Variants in TFCP2L1 observed in about 807,000 individuals in gnomAD.
The protein encoded by TFCP2L1 is transcription factor CP2 like 1, also known as transcription factor CP2-like protein 1.
In TFCP2L1, 12 loss-of-function variants were observed where a neutral mutation model predicts 72.2. The observed-to-expected ratio is 0.17, with a 90% confidence interval of 0.11 to 0.27. TFCP2L1 has a LOEUF of 0.27. TFCP2L1 is among the 10% of genes least tolerant of loss of function. The pLI, the probability that TFCP2L1 is intolerant of heterozygous loss-of-function variation, is 1.00. For missense variants in TFCP2L1, 488 were observed against 624.6 expected (o/e 0.78, Z 2.33); for synonymous variants, 260 against 251.0 (o/e 1.04, Z -0.34).
At chr2:121,249,527 A>G (rs368142890) in intron 3 of TFCP2L1, 44 bp downstream of exon 3, 44 of 1,599,554 alleles carry the variant, frequency 2.8e-5, no homozygotes, top group Non-Finnish European at 1.7e-6. Context: ...GACCCTAATC[A>G]AGCCCCTCTC....
chr2:121,265,735 C>T (rs1008011965), intron 2 of TFCP2L1, among the ~76,000 whole-genome samples: 8 of 152,122 alleles, frequency 5.3e-5, no homozygotes, highest in Admixed American at 2.0e-4. Context: ...CCGCCTGCCT[C>T]GGCCTCCCAA....
At chr2:121,247,073 C>T in intron 5 of TFCP2L1, 103 bp from the exon 6 acceptor site, 1 of 1,388,808 alleles carries the variant, frequency 7.2e-7, no homozygotes, top group Non-Finnish European at 9.8e-7. Context: ...CCTGCTTGGT[C>T]AGTGCAGGCC....
Position 121,239,010 on chromosome 2 carries a change from G to A in TFCP2L1, c.860+548C>T, listed in dbSNP as rs993149254. ...AGCCATCACGGTGACCCATGGCCCC[G>A]TGCTGTGCAGCCCACAACACTCAGG... On this transcript the variant is annotated intron_variant, in intron 8 of 14. Transcript: ENST00000263707. Among the ~76,000 whole-genome samples, 17 of 152,198 alleles carry A rather than the reference G, an allele frequency of 1.1e-4. 1 individual carries two copies. The highest frequency in any genetic ancestry group is 2.0e-4 in the Admixed American group (3 of 15,290).
intron 6 of TFCP2L1, among the ~76,000 whole-genome samples, chr2:121,243,674 G>A (rs1686424856): frequency 6.6e-6 from 1 of 151,898 alleles, no homozygotes; most frequent in South Asian, 2.1e-4. Context: ...AAGGGATCCA[G>A]GCTGCGTGCT....
At position 121,218,262 on chromosome 2, in the gene TFCP2L1, T is replaced by C. The variant is rs1685868886; in HGVS notation, c.*6079A>G. 2.0e-5 allele frequency: 3 copies of C among 152,370 alleles called. No homozygotes were observed. In the South Asian group the frequency reaches 6.2e-4, roughly 32 times the overall value. 9.4% of individuals were successfully genotyped at this position (152,370 alleles called of 1,614,324 possible). On this transcript the variant is annotated 3_prime_UTR_variant, in exon 15 of 15. Coordinates refer to ENST00000263707, the MANE Select transcript of TFCP2L1 (RefSeq NM_014553.3). The stretch of plus-strand genomic sequence containing the variant: ...AAATACAATAATTGAGTACATATTT[T>C]TGGTAAATACATGTCTACTAAAAAT...
At chr2:121,244,381 A>T (rs1205745494) in intron 6 of TFCP2L1, among the ~76,000 whole-genome samples, 1 of 152,238 alleles carries the variant, frequency 6.6e-6, no homozygotes, top group African/African-American at 2.4e-5. Flanking sequence ...GGCTCGGCTC[A>T]GCCTGGCTTC....
intron 2 of TFCP2L1, 23 bp from the exon 3 acceptor site, chr2:121,249,670 T>C (rs767902040): frequency 6.2e-7 from 1 of 1,612,584 alleles, no homozygotes; most frequent in South Asian, 1.1e-5. Context: ...TAAAAGGACA[T>C]TTTCCATTTC....
At chr2:121,278,598 A>G (rs935450240) in intron 2 of TFCP2L1, among the ~76,000 whole-genome samples, 6 of 151,340 alleles carry the variant, frequency 4.0e-5, no homozygotes, top group African/African-American at 1.5e-4. Flanking sequence ...AAGCAGGACA[A>G]TCGCTTGAAC....
At chr2:121,284,444 T>A (rs1470836559) in intron 1 of TFCP2L1, among the ~76,000 whole-genome samples, 1 of 152,146 alleles carries the variant, frequency 6.6e-6, no homozygotes, top group Non-Finnish European at 1.5e-5. Context: ...AGGGCACTAC[T>A]CAAATCCCTC....
chr2:121,226,579 G>C (rs1264932951), intron 13 of TFCP2L1, among the ~76,000 whole-genome samples: 1 of 152,026 alleles, frequency 6.6e-6, no homozygotes, highest in African/African-American at 2.4e-5. Flanking sequence ...ATAAAGGAGG[G>C]TTCCACTACC....
At position 121,282,829 on chromosome 2, in the gene TFCP2L1, C is replaced by G. The variant is rs528208886; in HGVS notation, c.63-1558G>C. ...TAAACAAGCGTCTCTACAACACAAA[C>G]CCGGCACACACCCCATCAACATCTC... On this transcript the variant is annotated intron_variant, in intron 1 of 14. Transcript: ENST00000263707. Among the ~76,000 whole-genome samples, 11 of 152,302 alleles carry G rather than the reference C, an allele frequency of 7.2e-5. 1 individual carries two copies. The East Asian group carries it at 2.1e-3, about 29-fold the overall frequency.
intron 2 of TFCP2L1, among the ~76,000 whole-genome samples, chr2:121,251,419 T>C (rs1287163484): frequency 6.6e-6 from 1 of 152,218 alleles, no homozygotes; most frequent in Admixed American, 6.5e-5. Flanking sequence ...GGCTTGTATG[T>C]GTATAATCTA....
At chr2:121,271,139 G>A (rs1033115979) in intron 2 of TFCP2L1, among the ~76,000 whole-genome samples, 4 of 145,646 alleles carry the variant, frequency 2.7e-5, no homozygotes, top group Non-Finnish European at 6.0e-5. Flanking sequence ...GCAGTGAGCC[G>A]AGATCGCACC....
chr2:121,285,012 G>A, intron 1 of TFCP2L1, 36 bp downstream of exon 1: 1 of 1,451,722 alleles, frequency 6.9e-7, no homozygotes, highest in Non-Finnish European at 9.1e-7. Context: ...CCGCCGGCCC[G>A]GCCCGAGACC....
chr2:121,258,128 T>C (rs1015603906), intron 2 of TFCP2L1, among the ~76,000 whole-genome samples: 2 of 152,136 alleles, frequency 1.3e-5, no homozygotes, highest in Admixed American at 1.3e-4. Flanking sequence ...TGTAAAGAAA[T>C]GCCAAATGAA....
chr2:121,269,918 A>AAAAAAAAAAAAAAATATATAT, intron 2 of TFCP2L1, among the ~76,000 whole-genome samples: 8 of 115,174 alleles, frequency 6.9e-5, no homozygotes, highest in East Asian at 3.8e-4. Context: ...AAAAAAAAAA[A>AAAAAAAAAAAAAAATATATAT]ATATATATAT....
At chr2:121,232,252 C>T (rs1364263276) in intron 12 of TFCP2L1, among the ~76,000 whole-genome samples, 1 of 152,158 alleles carries the variant, frequency 6.6e-6, no homozygotes, top group Non-Finnish European at 1.5e-5. Context: ...GATTCTCCTG[C>T]CTCAGCCTCC....
rs561063358 is a variant in TFCP2L1 at position 121,240,586 on chromosome 2, T to C, written c.769-937A>G. 3.0e-3 allele frequency: 3,004 copies of C among 985,414 alleles called. 9 individuals carry two copies. Among genetic ancestry groups the C allele is most frequent in the Non-Finnish European group, 3.5e-3 (2,884 of 829,924 alleles). The allele number at this position is 985,414 out of a possible 1,614,324, so 61.0% of individuals were successfully genotyped here. A position where few individuals can be genotyped will look rare whatever the true frequency, so the allele number is the denominator to read the frequency against. On this transcript the variant is annotated intron_variant, in intron 7 of 14. Coordinates refer to ENST00000263707, the MANE Select transcript of TFCP2L1 (RefSeq NM_014553.3). ...AGCCGGTGCCTCCCAGGGTGGGCTTTCAACTACGCTGCACTGTGGCAAGGG... is the reference window on the plus strand; with the variant it reads ...AGCCGGTGCCTCCCAGGGTGGGCTTCCAACTACGCTGCACTGTGGCAAGGG...
chr2:121,275,270 G>A (rs1231276385), intron 2 of TFCP2L1, among the ~76,000 whole-genome samples: 1 of 149,966 alleles, frequency 6.7e-6, no homozygotes, highest in Non-Finnish European at 1.5e-5. Context: ...TGTAGTCGCG[G>A]CGCCTGTAGT....
Sources: allele counts gnomAD v4.1 joint callset (sites outside exome capture counted in the v4.1 genomes callset), GRCh38; gene constraint gnomAD v4.1.1; transcripts MANE v1.5; gene names NCBI Gene and HGNC (gene_info 2026-07-23, HGNC 2026-07-21).